Variants in FAM184A observed in about 807,000 individuals in gnomAD.
FAM184A encodes the protein protein FAM184A.
FAM184A carries 99 observed loss-of-function variants against 143.8 expected under a neutral mutation model. The observed-to-expected ratio is 0.69, with a 90% CI of 0.58 to 0.81. The LOEUF is 0.81. Ranked by LOEUF, FAM184A falls within the 40% of genes least tolerant of loss-of-function variation. FAM184A has a pLI of 0.00. For synonymous variants in FAM184A, 427 were observed against 446.4 expected (o/e 0.96, Z 0.55); for missense variants, 1,217 against 1,310.5 (o/e 0.93, Z 1.10).
chr6:119,065,403 A>C (rs984319544), intron 1 of FAM184A, among the ~76,000 whole-genome samples: 4 of 152,220 alleles, frequency 2.6e-5, no homozygotes, highest in African/African-American at 7.2e-5. Flanking sequence ...GCCGAGCCAG[A>C]ACCACTCAGT....
intron 11 of FAM184A, among the ~76,000 whole-genome samples, chr6:118,977,291 G>A (rs1783875208): frequency 6.6e-6 from 1 of 152,104 alleles, no homozygotes; most frequent in South Asian, 2.1e-4. Context: ...ACCTCTACAT[G>A]TTAAATATTG....
chr6:118,970,008 A>ATATATATATTTTTTTTTTT, intron 14 of FAM184A, among the ~76,000 whole-genome samples: 2 of 19,050 alleles, frequency 1.0e-4, no homozygotes, highest in Non-Finnish European at 1.1e-4. Context: ...ATATATATAT[A>ATATATATATTTTTTTTTTT]TTTTTTTTTT....
chr6:119,060,144 G>C (rs1787172424), intron 1 of FAM184A, among the ~76,000 whole-genome samples: 1 of 152,144 alleles, frequency 6.6e-6, no homozygotes, highest in African/African-American at 2.4e-5. Context: ...ACTGTTTTTA[G>C]GTACTGTTTG....
intron 1 of FAM184A, among the ~76,000 whole-genome samples, chr6:119,101,323 C>T (rs1210008996): frequency 1.3e-5 from 2 of 151,978 alleles, no homozygotes; most frequent in Non-Finnish European, 2.9e-5. Context: ...CCGCCCGCCT[C>T]GGCCTCCCAA....
intron 1 of FAM184A, among the ~76,000 whole-genome samples, chr6:119,100,712 T>C (rs1389952621): frequency 1.3e-5 from 2 of 151,938 alleles, no homozygotes; most frequent in Non-Finnish European, 2.9e-5. Flanking sequence ...ATCCCAGCAC[T>C]TTGGGAGGCC....
chr6:119,021,452 A>G (rs1258432321), intron 3 of FAM184A, among the ~76,000 whole-genome samples: 2 of 152,230 alleles, frequency 1.3e-5, no homozygotes, highest in East Asian at 3.8e-4. Context: ...AAGCCCTAAG[A>G]AATGAACTGC....
At chr6:119,098,670 T>A (rs1788568884) in intron 1 of FAM184A, among the ~76,000 whole-genome samples, 1 of 152,174 alleles carries the variant, frequency 6.6e-6, no homozygotes, top group Non-Finnish European at 1.5e-5. Flanking sequence ...AAATGATAGG[T>A]CTGGCCCATG....
chr6:119,032,299 C>T (rs1233741862), intron 1 of FAM184A, among the ~76,000 whole-genome samples: 1 of 151,564 alleles, frequency 6.6e-6, no homozygotes, highest in South Asian at 2.1e-4. Context: ...AAGAAATAAA[C>T]CAAATTTTTA....
chr6:119,101,912 T>C (rs901034980), intron 1 of FAM184A, among the ~76,000 whole-genome samples: 10 of 151,932 alleles, frequency 6.6e-5, no homozygotes, highest in African/African-American at 2.4e-4. Flanking sequence ...AAAAATTAGC[T>C]GGGCTTGGTG....
At chr6:119,119,292 G>A (rs944459650) in intron 1 of FAM184A, among the ~76,000 whole-genome samples, 5 of 152,212 alleles carry the variant, frequency 3.3e-5, no homozygotes, top group African/African-American at 4.8e-5. Context: ...TGTGAAGCAC[G>A]TGATCTCTGT....
chr6:119,101,264 G>T (rs1014784712), intron 1 of FAM184A, among the ~76,000 whole-genome samples: 45 of 151,806 alleles, frequency 3.0e-4, no homozygotes, highest in African/African-American at 1.1e-3. Flanking sequence ...TAGAGACGGG[G>T]TTTCTCCACG....
intron 7 of FAM184A, among the ~76,000 whole-genome samples, chr6:119,005,110 G>A (rs1245573959): frequency 6.6e-6 from 1 of 151,492 alleles, no homozygotes; most frequent in African/African-American, 2.4e-5. Flanking sequence ...TTTGGTCATC[G>A]AGTTCAGCTT....
At chr6:118,977,820 G>T (rs1339123891) in intron 11 of FAM184A, among the ~76,000 whole-genome samples, 1 of 152,144 alleles carries the variant, frequency 6.6e-6, no homozygotes, top group East Asian at 1.9e-4. Context: ...CCATAGTTCT[G>T]CAAGATGTTA....
At chr6:118,974,648 G>A in intron 13 of FAM184A, 74 bp from the exon 14 acceptor site, 1 of 1,274,372 alleles carries the variant, frequency 7.8e-7, no homozygotes, top group Non-Finnish European at 1.1e-6. Flanking sequence ...TATTCTACCA[G>A]ATTTGAAATG....
At chr6:119,065,991 C>A (rs659411) in intron 1 of FAM184A, among the ~76,000 whole-genome samples, 5,866 of 152,208 alleles carry the variant, frequency 0.039, 404 homozygotes, top group African/African-American at 0.13. Flanking sequence ...TCTTTGCAGA[C>A]AAGTAAGTTA....
chr6:119,144,792 C>T (rs963317874), intron 1 of FAM184A, among the ~76,000 whole-genome samples: 3 of 152,142 alleles, frequency 2.0e-5, no homozygotes, highest in East Asian at 1.9e-4. Context: ...GCTCCCGTGA[C>T]GTGCCCCCTG....
At chr6:118,965,617 C>T (rs1583759465) in intron 15 of FAM184A, among the ~76,000 whole-genome samples, 2 of 152,144 alleles carry the variant, frequency 1.3e-5, no homozygotes, top group African/African-American at 4.8e-5. Flanking sequence ...TTATGCCTCT[C>T]TTAGTCACCA....
At chr6:118,980,751 G>A (rs1486125676) in intron 9 of FAM184A, among the ~76,000 whole-genome samples, 1 of 152,162 alleles carries the variant, frequency 6.6e-6, no homozygotes, top group Non-Finnish European at 1.5e-5. Context: ...AAGTAGTAAA[G>A]TGAAATAGGA....
intron 4 of FAM184A, among the ~76,000 whole-genome samples, chr6:119,017,764 G>A (rs1785311230): frequency 6.6e-6 from 1 of 152,168 alleles, no homozygotes; most frequent in Non-Finnish European, 1.5e-5. Flanking sequence ...CTCCAATGTT[G>A]GAGATGTGAC....
Sources: allele counts gnomAD v4.1 joint callset (sites outside exome capture counted in the v4.1 genomes callset), GRCh38; gene constraint gnomAD v4.1.1; transcripts MANE v1.5; gene names NCBI Gene and HGNC (gene_info 2026-07-23, HGNC 2026-07-21).